The following OPCML variants were observed in gnomAD, a reference collection of about 807,000 sequenced individuals.
OPCML encodes opioid binding protein/cell adhesion molecule like.
OPCML carries 13 observed loss-of-function variants against 37.8 expected under a neutral mutation model. The ratio of observed to expected loss-of-function variants is 0.34; its 90% CI spans 0.22 to 0.55. The LOEUF is 0.55. Among genes scored for constraint, OPCML ranks in the 20% least tolerant of loss-of-function variants. The pLI is 0.91. For missense variants in OPCML, 341 were observed against 435.6 expected (o/e 0.78, Z 1.93); for synonymous variants, 176 against 168.8 (o/e 1.04, Z -0.33).
intron 2 of OPCML, among the ~76,000 whole-genome samples, chr11:132,842,034 A>G (rs973185669): frequency 1.7e-4 from 26 of 152,170 alleles, no homozygotes; most frequent in African/African-American, 6.3e-4. Context: ...TCTCAGTAAC[A>G]CAGGGGAAAG....
chr11:133,523,349 G>T (rs1469281803), intron 1 of OPCML, among the ~76,000 whole-genome samples: 1 of 152,114 alleles, frequency 6.6e-6, no homozygotes, highest in South Asian at 2.1e-4. Flanking sequence ...AGGAGTGTTG[G>T]TGCTGACAGT....
chr11:133,414,576 T>TAG (rs1945720190), intron 1 of OPCML, among the ~76,000 whole-genome samples: 1 of 152,144 alleles, frequency 6.6e-6, no homozygotes, highest in African/African-American at 2.4e-5. Flanking sequence ...AAGTTTGCTT[T>TAG]ACACACAAAC....
At chr11:132,621,358 C>A (rs1939396581) in intron 3 of OPCML, among the ~76,000 whole-genome samples, 1 of 152,110 alleles carries the variant, frequency 6.6e-6, no homozygotes, top group African/African-American at 2.4e-5. Context: ...TAAAAATGTT[C>A]AGAGCAATTT....
At chr11:132,506,824 A>G (rs1458780473) in intron 4 of OPCML, among the ~76,000 whole-genome samples, 6 of 152,142 alleles carry the variant, frequency 3.9e-5, no homozygotes, top group Admixed American at 3.9e-4. Context: ...ACTAGACAGA[A>G]CAAAAAGAGG....
intron 7 of OPCML, 183 bp from the exon 8 acceptor site, chr11:132,420,476 A>G (rs1036005523): frequency 2.5e-6 from 2 of 786,134 alleles, no homozygotes; most frequent in Middle Eastern, 6.5e-4. Context: ...AGCTGTTGGG[A>G]TGCCTTGACC....
At chr11:132,682,611 C>A (rs1942998021) in intron 2 of OPCML, among the ~76,000 whole-genome samples, 2 of 152,128 alleles carry the variant, frequency 1.3e-5, no homozygotes, top group South Asian at 4.1e-4. Context: ...TTTGTGCCCA[C>A]AGGGCAATAA....
At chr11:133,393,770 C>T (rs1945226662) in intron 1 of OPCML, among the ~76,000 whole-genome samples, 1 of 152,206 alleles carries the variant, frequency 6.6e-6, no homozygotes. Context: ...ACTGGCTAAT[C>T]CCAAGAACAA....
chr11:132,635,984 T>C (rs565690103), intron 3 of OPCML, among the ~76,000 whole-genome samples: 1 of 152,268 alleles, frequency 6.6e-6, no homozygotes, highest in African/African-American at 2.4e-5. Context: ...GGATACAAGA[T>C]GTCCATTGTT....
At chr11:132,692,766 A>T (rs1943454866) in intron 2 of OPCML, among the ~76,000 whole-genome samples, 1 of 152,224 alleles carries the variant, frequency 6.6e-6, no homozygotes, top group Non-Finnish European at 1.5e-5. Context: ...AAACATCACC[A>T]ACATTTATGT....
rs1016553632 is a variant in OPCML at position 132,640,947 on chromosome 11, GC to G, written c.379+16139del. On this transcript the variant is annotated intron_variant, in intron 3 of 7. Transcript: ENST00000524381. ...GAAGGCCCTGAGTAGGACAACTTCTGCCTGGCATAAGCATTGTGTGTTGTGG... is the reference window on the plus strand; with the variant it reads ...GAAGGCCCTGAGTAGGACAACTTCTGCTGGCATAAGCATTGTGTGTTGTGG... Among the ~76,000 whole-genome samples the G allele has an allele frequency of 3.9e-5, 6 of 152,168 alleles. 1 individual carries two copies. The highest frequency in any genetic ancestry group is 3.9e-4 in the Admixed American group (6 of 15,284).
chr11:133,147,482 C>A (rs997773232), intron 1 of OPCML, among the ~76,000 whole-genome samples: 1 of 152,006 alleles, frequency 6.6e-6, no homozygotes, highest in East Asian at 1.9e-4. Context: ...ACCCTCTGAG[C>A]GAGAAAAAGG....
rs1039123567 is a variant in OPCML, at chr11:133,368,211, A to G, written c.61+164053T>C. On this transcript the variant is annotated intron_variant, in intron 1 of 7. Coordinates refer to ENST00000524381, the MANE Select transcript of OPCML (RefSeq NM_001012393.5). ...GGGGAGAGGGAAAGGTAGAAGGAGG[A>G]AGAGGGGAGGAATATAGAGAAGGAA... Among the ~76,000 whole-genome samples the G allele has an allele frequency of 2.1e-5, 3 of 142,640 alleles. No individual in the cohort carries two copies. In the Admixed American group the frequency reaches 2.1e-4, roughly 10 times the overall value. The allele number at this position is 142,640 out of a possible 152,430, so 93.6% of individuals were successfully genotyped here.
At chr11:133,005,181 C>G (rs540645048) in intron 1 of OPCML, 2 of 985,254 alleles carry the variant, frequency 2.0e-6, no homozygotes, top group African/African-American at 1.7e-5. Context: ...TCTCTCTAGC[C>G]CGGGTTTTCA....
chr11:132,864,822 A>T lies in OPCML; in HGVS notation c.146+78104T>A, dbSNP rs1424800264. Among the ~76,000 whole-genome samples the T allele has an allele frequency of 2.6e-5, 4 of 152,366 alleles. No homozygotes were observed. In the East Asian group the frequency reaches 7.7e-4, roughly 29 times the overall value. ...GGGTTCTATGATATTCTTTGTAAGA[A>T]TGGTTCCATAACAGCAACAACAACA... is the stretch of plus-strand genomic sequence containing the variant. On this transcript the variant is annotated intron_variant, in intron 2 of 7. Transcript: ENST00000524381.
chr11:133,281,388 C>T (rs1942150924), intron 1 of OPCML, among the ~76,000 whole-genome samples: 1 of 152,014 alleles, frequency 6.6e-6, no homozygotes, highest in African/African-American at 2.4e-5. Flanking sequence ...CATTCCCCCA[C>T]ATCTGTTGCT....
intron 1 of OPCML, among the ~76,000 whole-genome samples, chr11:133,169,901 C>T (rs1002074518): frequency 6.6e-6 from 1 of 151,676 alleles, no homozygotes; most frequent in East Asian, 1.9e-4. Flanking sequence ...AATATGAGCA[C>T]CAAAAATTAA....
intron 1 of OPCML, among the ~76,000 whole-genome samples, chr11:133,140,952 A>C (rs878965734): frequency 0.07 from 138 of 1,976 alleles, 30 homozygotes; most frequent in African/African-American, 0.088. Flanking sequence ...AAGACGACGA[A>C]GAAGAAGAAG....
At chr11:133,378,714 T>C (rs936163995) in intron 1 of OPCML, among the ~76,000 whole-genome samples, 16 of 151,780 alleles carry the variant, frequency 1.1e-4, no homozygotes, top group Non-Finnish European at 2.1e-4. Flanking sequence ...CCTTCCTTCT[T>C]TCTTTCTTTT....
intron 4 of OPCML, among the ~76,000 whole-genome samples, chr11:132,481,023 A>G (rs2096178265): frequency 1.3e-5 from 2 of 152,186 alleles, no homozygotes; most frequent in African/African-American, 4.8e-5. Flanking sequence ...TTTGATATTA[A>G]TTATTAACTT....
Sources: gnomAD v4.1 joint callset for allele counts (sites outside exome capture counted in the v4.1 genomes callset) on GRCh38, gnomAD v4.1.1 for gene constraint, MANE v1.5 for transcripts, NCBI Gene and HGNC (gene_info 2026-07-23, HGNC 2026-07-21) for gene names.